HSPA12A: variants seen among roughly 807,000 people sequenced by gnomAD.
HSPA12A encodes the protein heat shock 70 kDa protein 12A.
HSPA12A carries 28 observed loss-of-function variants against 69.2 expected under a neutral mutation model. The ratio of observed to expected loss-of-function variants is 0.40; its 90% CI spans 0.30 to 0.55. HSPA12A has a LOEUF of 0.55. Among genes scored for constraint, HSPA12A ranks in the 20% least tolerant of loss-of-function variants. The probability of loss-of-function intolerance (pLI) is 0.38; values close to 1 mark genes in which losing one functional copy is unlikely to be tolerated. For synonymous variants in HSPA12A, 345 were observed against 370.5 expected (o/e 0.93, Z 0.79); for missense variants, 686 against 900.7 (o/e 0.76, Z 3.05).
Position 116,675,229 on chromosome 10 carries a change from A to T in HSPA12A, c.1580T>A (p.Val527Asp), listed in dbSNP as rs1564770460. Residue 527 changes from valine to aspartate, a missense_variant, in exon 12 of 12, where the codon GTC (valine) becomes GAC (aspartate). Coordinates refer to ENST00000369209, the MANE Select transcript of HSPA12A (RefSeq NM_025015.3). The surrounding 1 kb of genome is among the most constrained non-coding windows in gnomAD (Gnocchi z 5.2). ...GAGCGGCGACCGGCGCACCTTGATG[A>T]CCGCGGGGTCCAGGCCAAAGAGGAC... Reference protein sequence around the residue: ...GAVLFGLDPAVIKVRRSPLTY... With the variant: ...GAVLFGLDPADIKVRRSPLTY... 6.2e-7 allele frequency: 1 copy of T among 1,613,642 alleles called. No individual in the cohort carries two copies. Among genetic ancestry groups the T allele is most frequent in the Non-Finnish European group, 8.5e-7 (1 of 1,180,016 alleles).
At chr10:116,732,243 T>A (rs2429362) in intron 1 of HSPA12A, among the ~76,000 whole-genome samples, 138,660 of 150,678 alleles carry the variant, frequency 0.92, 64,317 homozygotes, top group Non-Finnish European at 0.98. Context: ...GACAGGAGAA[T>A]CGTTTGAACC....
intron 11 of HSPA12A, 66 bp downstream of exon 11, chr10:116,676,333 G>T: frequency 2.3e-6 from 3 of 1,327,096 alleles, no homozygotes; most frequent in Non-Finnish European, 3.2e-6. Context: ...AGCTGGTGAT[G>T]CTGGGAAAGC....
chr10:116,705,803 T>C (rs1160454196), intron 2 of HSPA12A, among the ~76,000 whole-genome samples: 1 of 152,102 alleles, frequency 6.6e-6, no homozygotes, highest in Non-Finnish European at 1.5e-5. Context: ...GCCAGCCACA[T>C]GACCCACTGT....
chr10:116,756,528 C>T (rs1231352976), intron 2 of HSPA12A, among the ~76,000 whole-genome samples: 2 of 152,244 alleles, frequency 1.3e-5, no homozygotes, highest in African/African-American at 4.8e-5. Flanking sequence ...GCCTGCTCGC[C>T]TTGGCACACG....
At chr10:116,691,019 G>A (rs1338809667) in intron 6 of HSPA12A, among the ~76,000 whole-genome samples, 5 of 152,188 alleles carry the variant, frequency 3.3e-5, no homozygotes, top group African/African-American at 1.2e-4. Context: ...TGGAGCTTGT[G>A]CTCCGTGATG....
chr10:116,751,225 G>T (rs952177613), intron 2 of HSPA12A: 1 of 226,788 alleles, frequency 4.4e-6, no homozygotes, highest in Non-Finnish European at 9.4e-6. Context: ...TCAAAGGAAG[G>T]TGTGCTTCCT....
Position 116,723,075 on chromosome 10 carries a change from C to T in HSPA12A, c.41-15790G>A, listed in dbSNP as rs778890892. ...TGGTGTCACTGCCTCCAGGCTGTCC[C>T]ACTGGATCACATCACAACCACCACC... is the stretch of plus-strand genomic sequence containing the variant. On this transcript the variant is annotated intron_variant, in intron 1 of 11. Transcript: ENST00000369209. This position sits in a 1 kb window ranked among gnomAD's most constrained non-coding sequence, Gnocchi z 4.1. Among the ~76,000 whole-genome samples the T allele has an allele frequency of 3.9e-4, 59 of 152,264 alleles. No individual in the cohort carries two copies. The highest frequency in any genetic ancestry group is 6.5e-4 in the Non-Finnish European group (44 of 68,012).
chr10:116,760,915 G>A (rs918320530), intron 2 of HSPA12A, among the ~76,000 whole-genome samples: 5 of 152,080 alleles, frequency 3.3e-5, no homozygotes, highest in East Asian at 1.9e-4. Flanking sequence ...GGATAACAAC[G>A]GAGATAAAGG....
At chr10:116,754,614 G>C (rs573101219) in intron 2 of HSPA12A, among the ~76,000 whole-genome samples, 1 of 152,244 alleles carries the variant, frequency 6.6e-6, no homozygotes, top group South Asian at 2.1e-4. Flanking sequence ...GTATCTCTCA[G>C]AGTCCAAGAA....
At chr10:116,843,027 T>C (rs1845828659) in intron 1 of HSPA12A, among the ~76,000 whole-genome samples, 1 of 152,230 alleles carries the variant, frequency 6.6e-6, no homozygotes, top group South Asian at 2.1e-4. Context: ...CCAATTAAAC[T>C]GCCAGCAGTA....
intron 2 of HSPA12A, among the ~76,000 whole-genome samples, chr10:116,791,936 G>T (rs1013089332): frequency 1.3e-5 from 2 of 152,004 alleles, no homozygotes; most frequent in African/African-American, 4.8e-5. Context: ...GCAAAAAGAT[G>T]CCAATTCATC....
chr10:116,685,909 G>T (rs1247788256), intron 6 of HSPA12A, among the ~76,000 whole-genome samples: 1 of 152,174 alleles, frequency 6.6e-6, no homozygotes, highest in East Asian at 1.9e-4. Flanking sequence ...CCACTCTCGT[G>T]TCCTGCACTG....
At chr10:116,832,191 CAG>C (rs1261362749) in intron 2 of HSPA12A, 2 of 151,882 alleles carry the variant, frequency 1.3e-5, no homozygotes, top group African/African-American at 4.8e-5. Context: ...TTTTTTGAGA[CAG>C]AGTCTCGCTC....
At chr10:116,705,126 T>G in intron 3 of HSPA12A, 25 bp downstream of exon 3, 2 of 1,613,252 alleles carry the variant, frequency 1.2e-6, no homozygotes, top group Non-Finnish European at 8.5e-7. Context: ...ACCAGCCACG[T>G]GGCCCTCCCA....
At chr10:116,836,189 C>G (rs903396505) in intron 1 of HSPA12A, among the ~76,000 whole-genome samples, 5 of 152,158 alleles carry the variant, frequency 3.3e-5, no homozygotes, top group Non-Finnish European at 7.3e-5. Context: ...AGTGTTGCCT[C>G]TCCTCTCCAG....
intron 10 of HSPA12A, among the ~76,000 whole-genome samples, chr10:116,677,735 T>C (rs1255764416): frequency 6.6e-6 from 1 of 152,146 alleles, no homozygotes; most frequent in Non-Finnish European, 1.5e-5. Flanking sequence ...GCCAAGAGTG[T>C]CTTCACATAC....
intron 2 of HSPA12A, among the ~76,000 whole-genome samples, chr10:116,784,616 T>A (rs190933812): frequency 3.6e-4 from 55 of 152,330 alleles, no homozygotes; most frequent in Non-Finnish European, 5.6e-4. Context: ...GGCTTATGAT[T>A]GACATTTATG....
Position 116,833,996 on chromosome 10 carries a change from G to A in HSPA12A, c.91+939C>T, listed in dbSNP as rs148230762. ...AGATAACCCAAATTGCTGATTTAGC[G>A]AAGCCCATTCTTGACCTTGACACAA... On this transcript the variant is annotated intron_variant, in intron 2 of 12. Coordinates refer to the HSPA12A transcript ENST00000635765. Among the ~76,000 whole-genome samples the A allele has an allele frequency of 8.3e-4, 127 of 152,296 alleles. 1 individual carries two copies. The highest frequency in any genetic ancestry group is 2.8e-3 in the African/African-American group (118 of 41,558).
Position 116,675,874 on chromosome 10 carries a change from C to A in HSPA12A, c.1391-456G>T, listed in dbSNP as rs1303654779. On this transcript the variant is annotated intron_variant, in intron 11 of 11. Transcript: ENST00000369209. The surrounding 1 kb of genome is among the most constrained non-coding windows in gnomAD (Gnocchi z 5.2). ...GGTCCTGGTGAGTTTGCTATGTGTC[C>A]CTGGGTACTGCCACCAATGTAGCAG... Among the ~76,000 whole-genome samples, 1 of 152,104 alleles carries A rather than the reference C, an allele frequency of 6.6e-6. No homozygotes were observed. Among genetic ancestry groups the A allele is most frequent in the Admixed American group, 6.5e-5 (1 of 15,274 alleles).
Sources: gnomAD v4.1 joint callset for allele counts (sites outside exome capture counted in the v4.1 genomes callset) on GRCh38, gnomAD v4.1.1 for gene constraint, Gnocchi (gnomAD v3.1) non-coding constraint, MANE v1.5 for transcripts, NCBI Gene and HGNC (gene_info 2026-07-23, HGNC 2026-07-21) for gene names.